The following IGF1R variants were observed in gnomAD, a reference collection of about 807,000 sequenced individuals.
The protein encoded by IGF1R is insulin-like growth factor 1 receptor.
In IGF1R, 44 loss-of-function variants were observed where a neutral mutation model predicts 144.6. The ratio of observed to expected loss-of-function variants is 0.30; its 90% CI spans 0.24 to 0.39. The LOEUF (loss-of-function observed/expected upper bound fraction) is 0.39, where lower values mean the gene tolerates loss of function less well. Among genes scored for constraint, IGF1R ranks in the 10% least tolerant of loss-of-function variants. The pLI is 1.00. For missense variants in IGF1R, 1,355 were observed against 1,833.7 expected (o/e 0.74, Z 4.77); for synonymous variants, 795 against 722.8 (o/e 1.10, Z -1.60).
rs547894116 is a variant in IGF1R, at chr15:98,946,043, G to A, written c.3588-2531G>A. Among the ~76,000 whole-genome samples, 11 of 152,100 alleles carry A rather than the reference G, an allele frequency of 7.2e-5. No individual in the cohort carries two copies. The East Asian group carries it at 1.5e-3, about 21-fold the overall frequency. Reference sequence around the variant, plus strand: ...TGATGACGATGACGACGATGACAGCGTCGTCGTCGTCCTGGTCCTGGAAGG... The same window carrying A: ...TGATGACGATGACGACGATGACAGCATCGTCGTCGTCCTGGTCCTGGAAGG... On this transcript the variant is annotated intron_variant, in intron 19 of 20. Coordinates refer to ENST00000650285, the MANE Select transcript of IGF1R (RefSeq NM_000875.5).
chr15:98,780,484 G>T (rs936212436), intron 2 of IGF1R, among the ~76,000 whole-genome samples: 2 of 149,940 alleles, frequency 1.3e-5, no homozygotes, highest in African/African-American at 4.9e-5. Context: ...GGGAGGTGGA[G>T]GTTGTGGAGA....
At chr15:98,790,401 C>A (rs1308313787) in intron 2 of IGF1R, among the ~76,000 whole-genome samples, 1 of 152,184 alleles carries the variant, frequency 6.6e-6, no homozygotes, top group Non-Finnish European at 1.5e-5. Context: ...CTTGTGAGCA[C>A]AGAAAACGCC....
At chr15:98,759,377 G>T (rs1301099832) in intron 2 of IGF1R, among the ~76,000 whole-genome samples, 1 of 152,176 alleles carries the variant, frequency 6.6e-6, no homozygotes, top group African/African-American at 2.4e-5. Flanking sequence ...TCCTGTCTTT[G>T]GAATTATTTA....
intron 2 of IGF1R, among the ~76,000 whole-genome samples, chr15:98,869,423 C>CCCT (rs1373165329): frequency 8.0e-5 from 12 of 149,948 alleles, no homozygotes; most frequent in Admixed American, 2.0e-4. Context: ...GAACCTGGCT[C>CCCT]CCTTGAGATT....
Position 98,891,755 on chromosome 15 carries a change from G to A in IGF1R, c.953+118G>A. ...GTGCAGCCCTCAGGAAGTTCACTGA[G>A]GTGGGTCATTTTGAGAGGGCTGGCT... On this transcript the variant is annotated intron_variant, in intron 3 of 20. Transcript: ENST00000650285. The surrounding 1 kb of genome is among the most constrained non-coding windows in gnomAD (Gnocchi z 4.7). 1.0e-6 allele frequency: 1 copy of A among 988,464 alleles called. No homozygotes were observed. The highest frequency in any genetic ancestry group is 1.5e-6 in the Non-Finnish European group (1 of 654,980). The allele number at this position is 988,464 out of a possible 1,614,324, so 61.2% of individuals were successfully genotyped here. A position where few individuals can be genotyped will look rare whatever the true frequency, so the allele number is the denominator to read the frequency against.
chr15:98,921,020 T>C (rs1233413506), intron 10 of IGF1R, among the ~76,000 whole-genome samples: 1 of 152,174 alleles, frequency 6.6e-6, no homozygotes, highest in East Asian at 1.9e-4. Context: ...CGCTCTCCCC[T>C]CCATGGCACT....
Position 98,962,372 on chromosome 15 carries a change from G to C in IGF1R, c.*4930G>C. On this transcript the variant is annotated 3_prime_UTR_variant, in exon 21 of 21. Transcript: ENST00000650285. ...CAGCTGTCTTCATTTCCTGGGCTAA[G>C]CAGCATTGGGAGATGTGGACCAGAG... 1 of 233,630 alleles carries C rather than the reference G, an allele frequency of 4.3e-6. No homozygotes were observed. The highest frequency in any genetic ancestry group is 8.5e-6 in the Non-Finnish European group (1 of 118,092). The allele number at this position is 233,630 out of a possible 1,614,324, so 14.5% of individuals were successfully genotyped here.
intron 10 of IGF1R, among the ~76,000 whole-genome samples, chr15:98,920,522 A>G (rs980606866): frequency 3.9e-5 from 6 of 152,240 alleles, no homozygotes; most frequent in African/African-American, 1.2e-4. Flanking sequence ...TTGGTTTTGA[A>G]GGTAGGCAGG....
intron 2 of IGF1R, among the ~76,000 whole-genome samples, chr15:98,727,163 G>C (rs982789972): frequency 2.6e-5 from 4 of 152,142 alleles, no homozygotes; most frequent in Non-Finnish European, 5.9e-5. Flanking sequence ...TTAATGGGTG[G>C]ATGTTTTAGC....
At chr15:98,695,900 T>C (rs1217246653) in intron 1 of IGF1R, among the ~76,000 whole-genome samples, 1 of 152,172 alleles carries the variant, frequency 6.6e-6, no homozygotes, top group Non-Finnish European at 1.5e-5. Context: ...TGCTCTCACT[T>C]GGATGTTCTT....
intron 2 of IGF1R, among the ~76,000 whole-genome samples, chr15:98,859,919 G>C (rs1341921411): frequency 1.3e-5 from 2 of 152,106 alleles, no homozygotes; most frequent in African/African-American, 2.4e-5. Flanking sequence ...GTAGTTTCTT[G>C]AAGTTTTTTC....
intron 2 of IGF1R, among the ~76,000 whole-genome samples, chr15:98,786,588 G>C (rs1056694682): frequency 1.3e-5 from 2 of 152,178 alleles, no homozygotes; most frequent in Non-Finnish European, 2.9e-5. Context: ...GTATTCTAAG[G>C]AACCTGGAAA....
intron 2 of IGF1R, among the ~76,000 whole-genome samples, chr15:98,823,805 C>T (rs1428677641): frequency 1.3e-5 from 2 of 152,122 alleles, no homozygotes; most frequent in Admixed American, 6.5e-5. Context: ...GTAGTTAAAA[C>T]TCCCAGAAAA....
chr15:98,817,790 C>G lies in IGF1R; in HGVS notation c.641-73535C>G, dbSNP rs184392402. Among the ~76,000 whole-genome samples the G allele has an allele frequency of 2.7e-4, 41 of 152,320 alleles. 1 individual carries two copies. Among genetic ancestry groups the G allele is most frequent in the Admixed American group, 2.5e-3 (39 of 15,306 alleles). The stretch of plus-strand genomic sequence containing the variant: ...TTGAATAGTCTTCCATACTCAAGCT[C>G]TGGGGAGATCCCTTTCTCCTTTCAC... On this transcript the variant is annotated intron_variant, in intron 2 of 20. Transcript: ENST00000650285.
chr15:98,942,872 GCA>G, intron 18 of IGF1R, 49 bp from the exon 19 acceptor site: 1 of 1,612,258 alleles, frequency 6.2e-7, no homozygotes, highest in Non-Finnish European at 8.5e-7. Context: ...TGCTGTGACA[GCA>G]GTGGTGCCTG....
intron 11 of IGF1R, among the ~76,000 whole-genome samples, chr15:98,922,829 A>G (rs1367949729): frequency 6.6e-6 from 1 of 152,124 alleles, no homozygotes; most frequent in African/African-American, 2.4e-5. Flanking sequence ...CAGAGTAAAC[A>G]TTGCCCCTCA....
At chr15:98,870,516 G>GGC (rs1219599932) in intron 2 of IGF1R, among the ~76,000 whole-genome samples, 1 of 152,208 alleles carries the variant, frequency 6.6e-6, no homozygotes, top group Non-Finnish European at 1.5e-5. Flanking sequence ...CGTGTGTGAA[G>GGC]GCCCAGAGTC....
chr15:98,769,545 G>A (rs763423729), intron 2 of IGF1R, among the ~76,000 whole-genome samples: 1 of 152,186 alleles, frequency 6.6e-6, no homozygotes, highest in African/African-American at 2.4e-5. Context: ...TTTAGACTTG[G>A]TAAGAAGTAT....
intron 2 of IGF1R, among the ~76,000 whole-genome samples, chr15:98,845,244 T>C (rs2011265062): frequency 1.3e-5 from 2 of 152,162 alleles, no homozygotes; most frequent in South Asian, 4.1e-4. Flanking sequence ...TGCGCCTCAG[T>C]ATTTAGTTTT....
Sources: gnomAD v4.1 joint callset for allele counts (sites outside exome capture counted in the v4.1 genomes callset) on GRCh38, gnomAD v4.1.1 for gene constraint, Gnocchi (gnomAD v3.1) non-coding constraint, MANE v1.5 for transcripts, NCBI Gene and HGNC (gene_info 2026-07-23, HGNC 2026-07-21) for gene names.